The following IQGAP3 variants were observed in gnomAD, a reference collection of about 807,000 sequenced individuals.
IQGAP3 encodes the protein ras GTPase-activating-like protein IQGAP3.
In IQGAP3, 165 loss-of-function variants were observed where a neutral mutation model predicts 208.2. That is an observed-to-expected ratio of 0.79 (90% CI 0.70 to 0.90). The LOEUF is 0.90. Ranked by LOEUF, IQGAP3 falls within the 40% of genes least tolerant of loss-of-function variation. The pLI is 0.00. For missense variants in IQGAP3, 1,811 were observed against 2,043.1 expected, an observed-to-expected ratio of 0.89 and a Z score of 2.19; for synonymous variants, 703 against 803.6, an observed-to-expected ratio of 0.87 and a Z score of 2.12.
At chr1:156,533,898 G>A (rs1205564311) in intron 30 of IQGAP3, 23 bp from the exon 31 acceptor site, 1 of 1,604,736 alleles carries the variant, frequency 6.2e-7, no homozygotes, top group Non-Finnish European at 8.5e-7. Context: ...GAAAGAAAAG[G>A]AGATGCAGGG....
chr1:156,547,765 T>C (rs1368212195), intron 19 of IQGAP3, among the ~76,000 whole-genome samples: 1 of 152,250 alleles, frequency 6.6e-6, no homozygotes, highest in African/African-American at 2.4e-5. Flanking sequence ...AGATATTACC[T>C]AACTTAATCC....
At chr1:156,537,381 A>G in intron 26 of IQGAP3, 60 bp from the exon 27 acceptor site, 1 of 1,519,422 alleles carries the variant, frequency 6.6e-7, no homozygotes, top group Non-Finnish European at 8.9e-7. Flanking sequence ...TCCTTCCCCA[A>G]GGCCCTATTC....
intron 1 of IQGAP3, among the ~76,000 whole-genome samples, chr1:156,571,490 T>C (rs951614832): frequency 2.6e-5 from 4 of 152,114 alleles, no homozygotes; most frequent in Non-Finnish European, 4.4e-5. Flanking sequence ...CCCCTCCAAA[T>C]ACAGATTTGA....
At chr1:156,529,156 A>G in intron 34 of IQGAP3, 74 bp from the exon 35 acceptor site, 1 of 1,468,154 alleles carries the variant, frequency 6.8e-7, no homozygotes, top group Non-Finnish European at 9.5e-7. Flanking sequence ...ACACAGGCCC[A>G]AGAGCTACAC....
rs925566921 is a variant in IQGAP3, at chr1:156,526,549, G to A, written c.4833C>T (p.Asn1611=). 6.2e-7 allele frequency: 1 copy of A among 1,614,112 alleles called. No individual in the cohort carries two copies. Among genetic ancestry groups the A allele is most frequent in the African/African-American group, 1.3e-5 (1 of 74,952 alleles). The part of the protein sequence containing the change: ...YEGVAVMKLF[N]KAKVNVNLLI... The stretch of plus-strand genomic sequence containing the variant: ...GAAGGTTGACATTGACTTTGGCCTT[G>A]TTGAAGAGTTTCATGACAGCCACAC... The change falls in exon 38 of 38, where the codon AAC becomes AAT. Residue 1611 remains asparagine, a synonymous_variant. Coordinates refer to ENST00000361170, the MANE Select transcript of IQGAP3 (RefSeq NM_178229.5).
In IQGAP3 at chr1:156,548,084, T is replaced by A; in HGVS notation, c.2293A>T (p.Ile765Phe). 6.2e-7 allele frequency: 1 copy of A among 1,613,212 alleles called. No individual in the cohort carries two copies. The highest frequency in any genetic ancestry group is 8.5e-7 in the Non-Finnish European group (1 of 1,179,548). Residue 765 changes from isoleucine (I) to phenylalanine (F), a missense_variant, in exon 19 of 38, where the codon ATC becomes TTC. Physicochemically the swap from Ile to Phe is conservative, Grantham distance 21. Transcript: ENST00000361170. ...HFLRTWLPAV[I>F]KIQAHWRGYR... is the part of the protein sequence containing the mutation. Reference sequence around the variant, plus strand: ...CCAGAGCCTGCCACCTGGATCTTGATGACTGCTGGGAGCCAGGTCCTCAGA... The same window carrying A: ...CCAGAGCCTGCCACCTGGATCTTGAAGACTGCTGGGAGCCAGGTCCTCAGA...
chr1:156,535,917 T>C (rs1259760297), intron 27 of IQGAP3, among the ~76,000 whole-genome samples: 2 of 152,256 alleles, frequency 1.3e-5, no homozygotes, highest in Non-Finnish European at 2.9e-5. Context: ...AGTGAAATTA[T>C]GTCTGCGAGA....
intron 15 of IQGAP3, among the ~76,000 whole-genome samples, chr1:156,551,413 G>A (rs577617393): frequency 6.6e-6 from 1 of 152,342 alleles, no homozygotes; most frequent in African/African-American, 2.4e-5. Flanking sequence ...TTACAGATGA[G>A]TAAATAGAGC....
At chr1:156,529,182 G>A (rs74116867) in intron 34 of IQGAP3, 100 bp from the exon 35 acceptor site, 36 of 1,256,838 alleles carry the variant, frequency 2.9e-5, no homozygotes, top group East Asian at 2.3e-4. Flanking sequence ...GAGGCTCTTC[G>A]GAAGAACAGG....
chr1:156,529,048 C>T lies in IQGAP3; in HGVS notation c.4439G>A (p.Arg1480Gln), dbSNP rs755414222. The T allele has an allele frequency of 4.2e-5, 67 of 1,614,076 alleles. No homozygotes were observed. The highest frequency in any genetic ancestry group is 3.6e-4 in the African/African-American group (27 of 74,916). ...IRNQHRHRHR[R>Q]KAELVKLQAT... ...CTGCAGCTTCACCAGCTCTGCCTTC[C>T]GCCTGTGCCTGTGTCTGTGCTGGTT... The change falls in exon 35 of 38, where the codon CGG becomes CAG. Residue 1480 changes from arginine (R) to glutamine (Q), a missense_variant. By Grantham distance (43) the Arg-to-Gln change is conservative. Coordinates refer to ENST00000361170, the MANE Select transcript of IQGAP3 (RefSeq NM_178229.5).
chr1:156,535,322 C>G, intron 27 of IQGAP3, 75 bp from the exon 28 acceptor site: 2 of 1,044,390 alleles, frequency 1.9e-6, no homozygotes, highest in Admixed American at 4.1e-5. Context: ...AGCTTGAGTG[C>G]CTGGCTGTCT....
At chr1:156,547,186 C>T (rs1675285686) in intron 19 of IQGAP3, among the ~76,000 whole-genome samples, 1 of 152,122 alleles carries the variant, frequency 6.6e-6, no homozygotes, top group Non-Finnish European at 1.5e-5. Context: ...ATGGGTCAGT[C>T]TCAGAGGCCA....
Position 156,539,412 on chromosome 1 carries a change from C to A in IQGAP3, c.3018G>T (p.Leu1006=). The stretch of plus-strand genomic sequence containing the variant: ...GGAGTGCTGTCTTGAACAGCTGGAG[C>A]AGGAGATAGGCCTCTCGGCGGCTGG... ...YASSRREAYL[L]LQLFKTALQE... is the part of the protein sequence containing the mutation. Residue 1006 remains leucine, a synonymous_variant, in exon 25 of 38, where the codon CTG becomes CTT. Transcript: ENST00000361170. 1 of 1,614,122 alleles carries A rather than the reference C, an allele frequency of 6.2e-7. No individual in the cohort carries two copies. Among genetic ancestry groups the A allele is most frequent in the Non-Finnish European group, 8.5e-7 (1 of 1,180,014 alleles).
Position 156,548,228 on chromosome 1 carries a change from C to T in IQGAP3, c.2149G>A (p.Val717Ile). The stretch of plus-strand genomic sequence containing the variant: ...TGTTGGCGGTCATAGGCAGCAGTGA[C>T]CTTGGTGACAGCTGACTGTGGAGGC... ...REEIQSAVTK[V>I]TAAYDRQQLW... The change falls in exon 19 of 38, where the codon GTC (valine) becomes ATC (isoleucine). Residue 717 changes from valine to isoleucine, a missense_variant. Coordinates refer to ENST00000361170, the MANE Select transcript of IQGAP3 (RefSeq NM_178229.5). The T allele has an allele frequency of 1.2e-6, 2 of 1,613,736 alleles. No individual in the cohort carries two copies. Among genetic ancestry groups the T allele is most frequent in the Non-Finnish European group, 1.7e-6 (2 of 1,179,720 alleles).
chr1:156,530,116 C>T lies in IQGAP3; in HGVS notation c.4393G>A (p.Glu1465Lys), dbSNP rs756649345. The stretch of plus-strand genomic sequence containing the variant: ...GCCCAGGTTGTTACCTTGGCCAGCT[C>T]GTCCACTAGCCCCTGGTAGCCATTT... The part of the protein sequence containing the change: ...ARNGYQGLVD[E>K]LAKDIRNQHR... The change falls in exon 34 of 38, where the codon GAG (glutamate) becomes AAG (lysine). Residue 1465 changes from glutamate to lysine, a missense_variant. Glu to Lys is a moderately conservative substitution (Grantham distance 56). Coordinates refer to ENST00000361170, the MANE Select transcript of IQGAP3 (RefSeq NM_178229.5). 10 of 1,601,078 alleles carry T rather than the reference C, an allele frequency of 6.2e-6. No individual in the cohort carries two copies. The highest frequency in any genetic ancestry group is 2.3e-5 in the East Asian group (1 of 44,388).
Position 156,562,597 on chromosome 1 carries a change from G to A in IQGAP3, c.867C>T (p.Asn289=). The change falls in exon 9 of 38, where the codon AAC becomes AAT. Residue 289 remains asparagine, a synonymous_variant. Coordinates refer to ENST00000361170, the MANE Select transcript of IQGAP3 (RefSeq NM_178229.5). ...CTCGAGGTCTCTTACCGTTGACATG[G>A]TTGATATTGCCCTGGATTTCAGCCT... is the stretch of plus-strand genomic sequence containing the variant. ...LTQAEIQGNI[N]HVNVHGALEV... 6.2e-7 allele frequency: 1 copy of A among 1,613,914 alleles called. No homozygotes were observed.
chr1:156,541,379 C>A (rs999086845), intron 22 of IQGAP3, among the ~76,000 whole-genome samples: 1 of 151,936 alleles, frequency 6.6e-6, no homozygotes, highest in South Asian at 2.1e-4. Context: ...CTGTACACAC[C>A]GGGAAGGACA....
intron 22 of IQGAP3, among the ~76,000 whole-genome samples, chr1:156,541,269 C>T (rs930670240): frequency 6.6e-6 from 1 of 151,818 alleles, no homozygotes; most frequent in Non-Finnish European, 1.5e-5. Flanking sequence ...CCCAATCTAC[C>T]ACTCACTTCT....
At position 156,535,233 on chromosome 1, in the gene IQGAP3, T is replaced by G. The variant is rs924703927; in HGVS notation, c.3437A>C (p.Tyr1146Ser). The G allele has an allele frequency of 1.9e-6, 3 of 1,612,362 alleles. No individual in the cohort carries two copies. Among genetic ancestry groups the G allele is most frequent in the Non-Finnish European group, 2.5e-6 (3 of 1,178,942 alleles). ...AGTTGCCTTCAGGACTTTGGCCACATATCGCATCCCATACCTGGGGACAAA... is the reference window on the plus strand; with the variant it reads ...AGTTGCCTTCAGGACTTTGGCCACAGATCGCATCCCATACCTGGGGACAAA... ...SVDQIPYGMR[Y>S]VAKVLKATLA... The change falls in exon 28 of 38, where the codon TAT becomes TCT. Residue 1146 changes from tyrosine (Y) to serine (S), a missense_variant. Physicochemically the swap from Tyr to Ser is moderately radical, Grantham distance 144. Coordinates refer to ENST00000361170, the MANE Select transcript of IQGAP3 (RefSeq NM_178229.5).
Sources: allele counts gnomAD v4.1 joint callset (sites outside exome capture counted in the v4.1 genomes callset), GRCh38; gene constraint gnomAD v4.1.1; transcripts MANE v1.5; gene names NCBI Gene and HGNC (gene_info 2026-07-23, HGNC 2026-07-21).